The following INTS1 variants were observed in gnomAD, a reference collection of about 807,000 sequenced individuals.
The protein encoded by INTS1 is integrator complex subunit 1.
In INTS1, 137 loss-of-function variants were observed where a neutral mutation model predicts 241.6. The observed-to-expected ratio is 0.57, with a 90% CI of 0.49 to 0.65. INTS1 has a LOEUF of 0.65. INTS1 is among the 30% of genes least tolerant of loss of function. INTS1 has a pLI of 0.00. For synonymous variants in INTS1, 1,692 were observed against 1,337.8 expected, an observed-to-expected ratio of 1.26 and a Z score of -5.78; for missense variants, 3,073 against 3,032.2, an observed-to-expected ratio of 1.01 and a Z score of -0.32.
intron 12 of INTS1, among the ~76,000 whole-genome samples, chr7:1,495,872 G>A (rs776027811): frequency 2.6e-5 from 4 of 151,968 alleles, no homozygotes; most frequent in Admixed American, 6.6e-5. Flanking sequence ...CCCCACTCCC[G>A]CCCGTGGCTG....
intron 3 of INTS1, chr7:1,500,962 C>T (rs1000193707): frequency 6.6e-6 from 1 of 152,294 alleles, no homozygotes; most frequent in African/African-American, 2.4e-5. Context: ...CTTCTCTGTC[C>T]CAACAGTTTT....
intron 16 of INTS1, among the ~76,000 whole-genome samples, chr7:1,489,918 C>T (rs924784946): frequency 3.9e-5 from 6 of 152,184 alleles, no homozygotes; most frequent in African/African-American, 7.2e-5. Flanking sequence ...ATCTACAAAA[C>T]GGGAGCGGTG....
At chr7:1,470,754 G>C (rs1041539684) in intron 47 of INTS1, 62 bp from the exon 48 acceptor site, 9 of 1,474,102 alleles carry the variant, frequency 6.1e-6, no homozygotes, top group Non-Finnish European at 8.2e-6. Flanking sequence ...GCAGTGACCA[G>C]ACCTCGGGAC....
At chr7:1,503,601 C>T (rs1443261401) in intron 2 of INTS1, among the ~76,000 whole-genome samples, 1 of 152,206 alleles carries the variant, frequency 6.6e-6, no homozygotes, top group Non-Finnish European at 1.5e-5. Flanking sequence ...CCCCGTGCTA[C>T]GCTACACTGT....
At position 1,477,851 on chromosome 7, in the gene INTS1, G is replaced by A. The variant is rs1056382993; in HGVS notation, c.4716C>T (p.Ser1572=). ...AFFSATADAA[S]PFPACKPVVV... ...CAACGGGCTTACAGGCTGGAAACGG[G>A]GAGGCAGCATCCGCAGTGGCAGAGA... The change falls in exon 34 of 48, where the codon TCC becomes TCT. Residue 1572 remains serine (S), a synonymous_variant. Transcript: ENST00000404767. The A allele has an allele frequency of 1.2e-5, 20 of 1,612,500 alleles. No homozygotes were observed. The highest frequency in any genetic ancestry group is 1.7e-5 in the Non-Finnish European group (20 of 1,179,860).
chr7:1,495,694 G>C, intron 12 of INTS1, 141 bp from the exon 13 acceptor site: 1 of 1,105,242 alleles, frequency 9.0e-7, no homozygotes, highest in Non-Finnish European at 1.3e-6. Flanking sequence ...TTCCCAGCTG[G>C]AATAACACCC....
At position 1,479,688 on chromosome 7, in the gene INTS1, G is replaced by C. The variant is rs980923374; in HGVS notation, c.4075-4C>G. 73 of 1,460,816 alleles carry C rather than the reference G, an allele frequency of 5.0e-5. No homozygotes were observed. Among genetic ancestry groups the C allele is most frequent in the Non-Finnish European group, 6.5e-5 (72 of 1,105,222 alleles). The allele number at this position is 1,460,816 out of a possible 1,614,324, so 90.5% of individuals were successfully genotyped here. A position where few individuals can be genotyped will look rare whatever the true frequency, so the allele number is the denominator to read the frequency against. On this transcript the variant is annotated splice_region_variant and splice_polypyrimidine_tract_variant and intron_variant, in intron 30 of 47. Coordinates refer to ENST00000404767, the MANE Select transcript of INTS1 (RefSeq NM_001080453.3). ...GGTCCGGGCTGAGCGGGAAAATCTG[G>C]AACGGGGAAGGCCAGTGTCAGGAGG... is the stretch of plus-strand genomic sequence containing the variant.
At chr7:1,503,216 C>T (rs370573236) in intron 2 of INTS1, 25 bp from the exon 3 acceptor site, 21 of 1,515,504 alleles carry the variant, frequency 1.4e-5, no homozygotes, top group African/African-American at 2.8e-5. Context: ...GAGAGAAAAC[C>T]GGGCACATTT....
In INTS1 at chr7:1,494,529, G is replaced by A. The variant is rs1032947883; in HGVS notation, c.1910+287C>T. On this transcript the variant is annotated intron_variant, in intron 14 of 47. Transcript: ENST00000404767. ...AGACTGCGTGAAGGGTGGCGTGCCCGTGGACGCCCTGGAAGCAACTGGAAG... is the reference window on the plus strand; with the variant it reads ...AGACTGCGTGAAGGGTGGCGTGCCCATGGACGCCCTGGAAGCAACTGGAAG... 21 of 518,968 alleles carry A rather than the reference G, an allele frequency of 4.0e-5. No individual in the cohort carries two copies. In the Admixed American group the frequency reaches 4.8e-4, roughly 12 times the overall value. The allele number at this position is 518,968 out of a possible 1,614,324, so 32.1% of individuals were successfully genotyped here.
rs752377806 is a variant in INTS1 at position 1,475,931 on chromosome 7, CAG to C, written c.5502+15_5502+16del. On this transcript the variant is annotated intron_variant, in intron 39 of 47. Transcript: ENST00000404767. The stretch of plus-strand genomic sequence containing the variant: ...CACCTGGGACGGCGGCGGGGAGCGG[CAG>C]AGTTGCGCCCTCACCTTGCAGACGC... 2.6e-6 allele frequency: 4 copies of C among 1,529,832 alleles called. No individual in the cohort carries two copies. The highest frequency in any genetic ancestry group is 2.7e-5 in the African/African-American group (2 of 72,792). 94.8% of individuals were successfully genotyped at this position (1,529,832 alleles called of 1,614,324 possible).
intron 27 of INTS1, chr7:1,482,234 A>C (rs1782031967): frequency 1.2e-5 from 3 of 251,678 alleles, no homozygotes; most frequent in African/African-American, 2.2e-5. Context: ...AGGCCCCACC[A>C]CTTCTCCTCC....
chr7:1,498,943 G>GGGGCCCCCCCCCCCCCC, intron 8 of INTS1, 32 bp downstream of exon 8: 6 of 1,070,744 alleles, frequency 5.6e-6, no homozygotes, highest in Non-Finnish European at 7.6e-6. Context: ...CCCACCCCCT[G>GGGGCCCCCCCCCCCCCC]CCCCGCCCAC....
chr7:1,502,998 G>A lies in INTS1; in HGVS notation c.252C>T (p.Pro84=), dbSNP rs898939969. Reference sequence around the variant, plus strand: ...CCAGGCGCCCCAGGGCACTCAGAGGGGGTGTGGAGGAGAGTTTGGGGCGTT... The same window carrying A: ...CCAGGCGCCCCAGGGCACTCAGAGGAGGTGTGGAGGAGAGTTTGGGGCGTT... The part of the protein sequence containing the change: ...LTKRPKLSST[P]PLSALGRLAE... The change falls in exon 3 of 48, where the codon CCC becomes CCT. Residue 84 remains proline (P), a synonymous_variant. Transcript: ENST00000404767. 12 of 1,613,822 alleles carry A rather than the reference G, an allele frequency of 7.4e-6. No homozygotes were observed. The highest frequency in any genetic ancestry group is 1.0e-5 in the Non-Finnish European group (12 of 1,179,892).
At chr7:1,496,878 TG>T (rs1282403815) in intron 11 of INTS1, among the ~76,000 whole-genome samples, 5 of 151,882 alleles carry the variant, frequency 3.3e-5, no homozygotes, top group African/African-American at 1.2e-4. Context: ...CTCCCCTTGC[TG>T]CCGGCAGCAA....
rs1781977361 is a variant in INTS1, at chr7:1,481,211, G to T, written c.3850+131C>A. ...CTCACCAACCCACAGGTCTAAGCCT[G>T]CCCTCGAGTGCCACCCACACCCACC... On this transcript the variant is annotated intron_variant, in intron 28 of 47. Coordinates refer to ENST00000404767, the MANE Select transcript of INTS1 (RefSeq NM_001080453.3). The surrounding 1 kb of genome is among the most constrained non-coding windows in gnomAD (Gnocchi z 6.8). 9.6e-7 allele frequency: 1 copy of T among 1,039,790 alleles called. No homozygotes were observed. The highest frequency in any genetic ancestry group is 1.4e-6 in the Non-Finnish European group (1 of 691,192). 64.4% of individuals were successfully genotyped at this position (1,039,790 alleles called of 1,614,324 possible). A position where few individuals can be genotyped will look rare whatever the true frequency, so the allele number is the denominator to read the frequency against.
rs763436142 is a variant in INTS1 at position 1,493,156 on chromosome 7, G to A, written c.2069-50C>T. 1 of 1,522,298 alleles carries A rather than the reference G, an allele frequency of 6.6e-7. No homozygotes were observed. Among genetic ancestry groups the A allele is most frequent in the Non-Finnish European group, 9.1e-7 (1 of 1,098,214 alleles). 94.3% of individuals were successfully genotyped at this position (1,522,298 alleles called of 1,614,324 possible). A position where few individuals can be genotyped will look rare whatever the true frequency, so the allele number is the denominator to read the frequency against. On this transcript the variant is annotated intron_variant, in intron 15 of 47. Coordinates refer to ENST00000404767, the MANE Select transcript of INTS1 (RefSeq NM_001080453.3). This position sits in a 1 kb window ranked among gnomAD's most constrained non-coding sequence, Gnocchi z 5.3. Reference sequence around the variant, plus strand: ...TTCTGGGGCTGCTCACAGACCATCAGGCACAGGCAGCGAGGGAACCGGCCC... The same window carrying A: ...TTCTGGGGCTGCTCACAGACCATCAAGCACAGGCAGCGAGGGAACCGGCCC...
At position 1,498,814 on chromosome 7, in the gene INTS1, G is replaced by A; in HGVS notation, c.1176C>T (p.Cys392=). 1 of 1,606,120 alleles carries A rather than the reference G, an allele frequency of 6.2e-7. No homozygotes were observed. Among genetic ancestry groups the A allele is most frequent in the Non-Finnish European group, 8.5e-7 (1 of 1,176,812 alleles). Residue 392 remains cysteine (C), a synonymous_variant, in exon 9 of 48, where the codon TGC becomes TGT. Coordinates refer to ENST00000404767, the MANE Select transcript of INTS1 (RefSeq NM_001080453.3). The part of the protein sequence containing the change: ...RPAQDLLMSV[C]MNCNTHGSED... Reference sequence around the variant, plus strand: ...CGGAACCGTGCGTGTTGCAGTTCATGCAGACGGACATCAGCAGGTCCTGGG... The same window carrying A: ...CGGAACCGTGCGTGTTGCAGTTCATACAGACGGACATCAGCAGGTCCTGGG...
At position 1,489,384 on chromosome 7, in the gene INTS1, A is replaced by G. The variant is rs1188844292; in HGVS notation, c.2278T>C (p.Tyr760His). Reference sequence around the variant, plus strand: ...TCCATGAGCATCTTCAGGGTCGGGTACTCCTCCCACGCAGCCAGGCCTAGG... The same window carrying G: ...TCCATGAGCATCTTCAGGGTCGGGTGCTCCTCCCACGCAGCCAGGCCTAGG... ...ENIGLAAWEE[Y>H]PTLKMLMEMV... Residue 760 changes from tyrosine to histidine, a missense_variant, in exon 18 of 48, where the codon TAC becomes CAC. Transcript: ENST00000404767. 1.8e-6 allele frequency: 2 copies of G among 1,084,370 alleles called. No homozygotes were observed. The highest frequency in any genetic ancestry group is 2.2e-6 in the Non-Finnish European group (2 of 893,742). 67.2% of individuals were successfully genotyped at this position (1,084,370 alleles called of 1,614,324 possible). A position where few individuals can be genotyped will look rare whatever the true frequency, so the allele number is the denominator to read the frequency against.
At chr7:1,475,619 T>G (rs1468632553) in intron 39 of INTS1, among the ~76,000 whole-genome samples, 1 of 151,030 alleles carries the variant, frequency 6.6e-6, no homozygotes, top group Non-Finnish European at 1.5e-5. Flanking sequence ...CGGGCACGAG[T>G]CCCCAGCAGC....
Sources: gnomAD v4.1 joint callset for allele counts (sites outside exome capture counted in the v4.1 genomes callset) on GRCh38, gnomAD v4.1.1 for gene constraint, Gnocchi (gnomAD v3.1) non-coding constraint, MANE v1.5 for transcripts, NCBI Gene and HGNC (gene_info 2026-07-23, HGNC 2026-07-21) for gene names.